PHLPP1: variants seen among roughly 807,000 people sequenced by gnomAD.
The protein encoded by PHLPP1 is PH domain leucine-rich repeat-containing protein phosphatase 1.
In PHLPP1, 42 loss-of-function variants were observed where a neutral mutation model predicts 117.2. That is an observed-to-expected ratio of 0.36 (90% CI 0.28 to 0.46). The LOEUF (loss-of-function observed/expected upper bound fraction) is 0.46, where lower values mean the gene tolerates loss of function less well. Ranked by LOEUF, PHLPP1 falls within the 20% of genes least tolerant of loss-of-function variation. The pLI is 1.00. For synonymous variants in PHLPP1, 1,042 were observed against 970.7 expected (o/e 1.07, Z -1.37); for missense variants, 2,084 against 2,241.9 (o/e 0.93, Z 1.42).
chr18:62,771,993 CT>C lies in PHLPP1; in HGVS notation c.1576+54736del, dbSNP rs377416927. Among the ~76,000 whole-genome samples, 40 of 152,330 alleles carry C rather than the reference CT, an allele frequency of 2.6e-4. No individual in the cohort carries two copies. In the East Asian group the frequency reaches 7.3e-3, roughly 28 times the overall value. ...ATTCAGCCTGTATGATCAGTTTCTT[CT>C]TCTTCTTTCTTCTGTCTTCTTCTCC... is the stretch of plus-strand genomic sequence containing the variant. On this transcript the variant is annotated intron_variant, in intron 1 of 16. Transcript: ENST00000262719.
At chr18:62,939,118 G>C (rs960223789) in intron 10 of PHLPP1, among the ~76,000 whole-genome samples, 8 of 151,340 alleles carry the variant, frequency 5.3e-5, no homozygotes, top group Non-Finnish European at 1.0e-4. Context: ...ACCCTCTCGA[G>C]TAGCTGGGAT....
Position 62,766,076 on chromosome 18 carries a change from A to AAAAAT in PHLPP1, c.1576+48818_1576+48819insAAATA. 1.3e-3 allele frequency among the ~76,000 whole-genome samples: 29 copies of AAAAAT among 21,658 alleles called. 2 individuals are homozygous for AAAAAT. The highest frequency in any genetic ancestry group is 6.9e-3 in the South Asian group (3 of 432). 14.2% of individuals were successfully genotyped at this position (21,658 alleles called of 152,430 possible). On this transcript the variant is annotated intron_variant, in intron 1 of 16. Coordinates refer to ENST00000262719, the MANE Select transcript of PHLPP1 (RefSeq NM_194449.4). ...ACTCCATCTCAAAAAAAAAAAAAAA[A>AAAAAT]ATATATATATATATATATATATATA...
chr18:62,724,903 G>T (rs961554672), intron 1 of PHLPP1, among the ~76,000 whole-genome samples: 1 of 152,176 alleles, frequency 6.6e-6, no homozygotes, highest in African/African-American at 2.4e-5. Flanking sequence ...ACAGTTGGCA[G>T]AGAAGAGGTA....
intron 1 of PHLPP1, among the ~76,000 whole-genome samples, chr18:62,814,243 C>T (rs995765790): frequency 6.6e-6 from 1 of 152,172 alleles, no homozygotes; most frequent in African/African-American, 2.4e-5. Flanking sequence ...TGATCTGATG[C>T]ATAAATTAAC....
Position 62,920,121 on chromosome 18 carries a change from C to T in PHLPP1, c.2960+7C>T. On this transcript the variant is annotated splice_region_variant and intron_variant, in intron 10 of 16. Coordinates refer to ENST00000262719, the MANE Select transcript of PHLPP1 (RefSeq NM_194449.4). ...TTCTGATGAAGGCTGACAGGTAAAGCCATTTGTCTTGTTTATCATCTGAGT... is the reference window on the plus strand; with the variant it reads ...TTCTGATGAAGGCTGACAGGTAAAGTCATTTGTCTTGTTTATCATCTGAGT... 1 of 1,612,200 alleles carries T rather than the reference C, an allele frequency of 6.2e-7. No individual in the cohort carries two copies. The highest frequency in any genetic ancestry group is 8.5e-7 in the Non-Finnish European group (1 of 1,178,854).
In PHLPP1 at chr18:62,816,271, C is replaced by G. The variant is rs542156525; in HGVS notation, c.1577-13764C>G. Among the ~76,000 whole-genome samples the G allele has an allele frequency of 2.0e-5, 3 of 152,108 alleles. No homozygotes were observed. In the South Asian group the frequency reaches 6.2e-4, roughly 32 times the overall value. On this transcript the variant is annotated intron_variant, in intron 1 of 16. Coordinates refer to ENST00000262719, the MANE Select transcript of PHLPP1 (RefSeq NM_194449.4). ...GTACACTCATATCAGCAATGTATAA[C>G]AAGTTTGTTTCTGGCTGGGTGCAGT...
At chr18:62,847,485 G>A (rs903048937) in intron 3 of PHLPP1, among the ~76,000 whole-genome samples, 4 of 152,024 alleles carry the variant, frequency 2.6e-5, no homozygotes, top group African/African-American at 7.2e-5. Flanking sequence ...AAATACTTGC[G>A]GGTTTGATCT....
At chr18:62,974,864 A>G (rs555596815) in intron 15 of PHLPP1, among the ~76,000 whole-genome samples, 5 of 152,316 alleles carry the variant, frequency 3.3e-5, no homozygotes, top group African/African-American at 9.6e-5. Context: ...TGAACACTCC[A>G]ATACTTCAAG....
Position 62,822,153 on chromosome 18 carries a change from C to T in PHLPP1, c.1577-7882C>T, listed in dbSNP as rs1914476734. ...TCATCTTAGTTGGTGGCAGAAACAG[C>T]ATTTGAGGAACTCCAATATCCCTTT... On this transcript the variant is annotated intron_variant, in intron 1 of 16. Transcript: ENST00000262719. Among the ~76,000 whole-genome samples, 3 of 151,446 alleles carry T rather than the reference C, an allele frequency of 2.0e-5. No homozygotes were observed. In the South Asian group the frequency reaches 6.2e-4, roughly 32 times the overall value.
chr18:62,814,227 A>G (rs1160773892), intron 1 of PHLPP1, among the ~76,000 whole-genome samples: 1 of 152,222 alleles, frequency 6.6e-6, no homozygotes, highest in Admixed American at 6.5e-5. Context: ...TTGACTTCAT[A>G]TATTTTGATC....
At chr18:62,900,613 G>A (rs889524046) in intron 6 of PHLPP1, among the ~76,000 whole-genome samples, 4 of 151,428 alleles carry the variant, frequency 2.6e-5, no homozygotes, top group Admixed American at 2.0e-4. Context: ...GTATAGGCAC[G>A]TGCCACCATG....
intron 1 of PHLPP1, among the ~76,000 whole-genome samples, chr18:62,768,578 C>A (rs1192560556): frequency 6.6e-6 from 1 of 152,164 alleles, no homozygotes; most frequent in Non-Finnish European, 1.5e-5. Context: ...TTGGAAAATT[C>A]TCTGTCCTAA....
intron 8 of PHLPP1, among the ~76,000 whole-genome samples, chr18:62,912,517 A>C (rs886307804): frequency 1.3e-5 from 2 of 150,968 alleles, no homozygotes; most frequent in African/African-American, 4.9e-5. Context: ...ACCCCCCAGC[A>C]ACCCCAAATG....
At position 62,895,305 on chromosome 18, in the gene PHLPP1, A is replaced by T. The variant is rs187123459; in HGVS notation, c.2213+148A>T. The T allele has an allele frequency of 2.1e-3, 1,508 of 721,764 alleles. 1 individual carries two copies. Among genetic ancestry groups the T allele is most frequent in the Non-Finnish European group, 2.9e-3 (1,309 of 448,404 alleles). 44.7% of individuals were successfully genotyped at this position (721,764 alleles called of 1,614,324 possible). A position where few individuals can be genotyped will look rare whatever the true frequency, so the allele number is the denominator to read the frequency against. ...AGAGATCAGGGACTATGTAGTCCGT[A>T]TGGAGTTCATATGTTGGATTTGTAC... On this transcript the variant is annotated intron_variant, in intron 5 of 16. Coordinates refer to ENST00000262719, the MANE Select transcript of PHLPP1 (RefSeq NM_194449.4).
intron 1 of PHLPP1, among the ~76,000 whole-genome samples, chr18:62,824,492 G>T (rs1914554215): frequency 6.6e-6 from 1 of 152,158 alleles, no homozygotes; most frequent in Non-Finnish European, 1.5e-5. Flanking sequence ...GAGGGATATA[G>T]GGGGAGGGAG....
intron 4 of PHLPP1, among the ~76,000 whole-genome samples, chr18:62,882,183 C>T (rs1156507576): frequency 6.6e-6 from 1 of 152,054 alleles, no homozygotes; most frequent in Non-Finnish European, 1.5e-5. Flanking sequence ...CAAAGAAGCA[C>T]CACACGAAAG....
chr18:62,966,440 C>T (rs1471994791), intron 14 of PHLPP1, among the ~76,000 whole-genome samples: 1 of 150,356 alleles, frequency 6.7e-6, no homozygotes, highest in Non-Finnish European at 1.5e-5. Flanking sequence ...GTAAAATTCA[C>T]CCTTTTTAAT....
intron 4 of PHLPP1, among the ~76,000 whole-genome samples, chr18:62,887,718 G>A (rs1041005373): frequency 6.6e-6 from 1 of 152,010 alleles, no homozygotes; most frequent in East Asian, 1.9e-4. Context: ...TGGGAATTTT[G>A]TTTTTTGTTT....
chr18:62,752,989 TA>T (rs1444455904), intron 1 of PHLPP1, among the ~76,000 whole-genome samples: 1 of 152,212 alleles, frequency 6.6e-6, no homozygotes, highest in Non-Finnish European at 1.5e-5. Context: ...GACATACATT[TA>T]AAAATTATAA....
Sources: gnomAD v4.1 joint callset for allele counts (sites outside exome capture counted in the v4.1 genomes callset) on GRCh38, gnomAD v4.1.1 for gene constraint, MANE v1.5 for transcripts, NCBI Gene and HGNC (gene_info 2026-07-23, HGNC 2026-07-21) for gene names.